CDK5RAP2: variants seen among roughly 807,000 people sequenced by gnomAD.
The protein encoded by CDK5RAP2 is CDK5 regulatory subunit associated protein 2.
A neutral mutation model predicts 232.9 loss-of-function variants in CDK5RAP2; 147 were observed. The ratio of observed to expected loss-of-function variants is 0.63; its 90% CI spans 0.55 to 0.72. CDK5RAP2 has a LOEUF of 0.72. Ranked by LOEUF, CDK5RAP2 falls within the 30% of genes least tolerant of loss-of-function variation. CDK5RAP2 has a pLI of 0.00. For synonymous variants in CDK5RAP2, 833 were observed against 833.7 expected (o/e 1.00, Z 0.01); for missense variants, 2,195 against 2,231.5 (o/e 0.98, Z 0.33).
chr9:120,485,427 T>C (rs1564284589), intron 14 of CDK5RAP2, among the ~76,000 whole-genome samples: 5 of 151,954 alleles, frequency 3.3e-5, no homozygotes, highest in Non-Finnish European at 7.4e-5. Context: ...CCTAAGTAGC[T>C]GGGATTACAG....
chr9:120,527,860 C>CT lies in CDK5RAP2; in HGVS notation c.944dup (p.Arg316GlufsTer3), dbSNP rs775117172. The CT allele has an allele frequency of 6.2e-7, 1 of 1,613,822 alleles. No individual in the cohort carries two copies. The highest frequency in any genetic ancestry group is 8.5e-7 in the Non-Finnish European group (1 of 1,179,882). The stretch of plus-strand genomic sequence containing the variant: ...TTAAACCCTGAATGGCTTTATCCCT[C>CT]TTTAGACTATTTTTCTTCTCTGTAG... On this transcript the variant is annotated frameshift_variant, in exon 10 of 38. Coordinates refer to ENST00000349780, the MANE Select transcript of CDK5RAP2 (RefSeq NM_018249.6). LOFTEE classifies it high-confidence loss of function.
At chr9:120,470,769 G>GCAGC (rs1294694334) in intron 16 of CDK5RAP2, among the ~76,000 whole-genome samples, 1 of 149,356 alleles carries the variant, frequency 6.7e-6, no homozygotes, top group African/African-American at 2.5e-5. Context: ...TGTTTCCTTT[G>GCAGC]CAGCAAAGGT....
intron 5 of CDK5RAP2, among the ~76,000 whole-genome samples, chr9:120,543,795 T>C (rs1165425213): frequency 6.6e-6 from 1 of 152,026 alleles, no homozygotes; most frequent in African/African-American, 2.4e-5. Flanking sequence ...GAGGCGGAGG[T>C]TGCAGTGAGC....
chr9:120,544,822 T>C (rs1332592821), intron 5 of CDK5RAP2, among the ~76,000 whole-genome samples: 1 of 152,222 alleles, frequency 6.6e-6, no homozygotes, highest in East Asian at 1.9e-4. Context: ...CATGTTATTT[T>C]TCACAGGTGT....
intron 7 of CDK5RAP2, chr9:120,532,614 C>A (rs980215894): frequency 2.7e-4 from 41 of 152,530 alleles, no homozygotes; most frequent in African/African-American, 9.7e-4. Flanking sequence ...GGAGGGAACA[C>A]GCTGATCCTA....
intron 25 of CDK5RAP2, among the ~76,000 whole-genome samples, chr9:120,430,583 A>G (rs973007583): frequency 7.9e-5 from 12 of 152,332 alleles, no homozygotes; most frequent in African/African-American, 2.9e-4. Context: ...CACCAGTTAC[A>G]ATGGCAATCA....
intron 5 of CDK5RAP2, among the ~76,000 whole-genome samples, chr9:120,540,630 C>G (rs1440035847): frequency 2.0e-5 from 3 of 152,220 alleles, no homozygotes; most frequent in Non-Finnish European, 4.4e-5. Context: ...GGCTCTGAAG[C>G]TGGACAGATC....
intron 7 of CDK5RAP2, chr9:120,532,704 T>C (rs1403757645): frequency 6.6e-6 from 1 of 152,424 alleles, no homozygotes; most frequent in Non-Finnish European, 1.5e-5. Context: ...GCTGCACTGA[T>C]CTCTGGGAGT....
chr9:120,470,322 A>G, intron 16 of CDK5RAP2, 102 bp from the exon 17 acceptor site: 1 of 633,438 alleles, frequency 1.6e-6, no homozygotes, highest in Non-Finnish European at 2.8e-6. Context: ...ATCCAAAGCA[A>G]TGTGAATGGG....
chr9:120,521,584 C>T (rs1240496006), intron 11 of CDK5RAP2, among the ~76,000 whole-genome samples: 3 of 151,934 alleles, frequency 2.0e-5, no homozygotes, highest in East Asian at 1.9e-4. Context: ...CTTTGCCTTC[C>T]GCCATGATTG....
intron 14 of CDK5RAP2, among the ~76,000 whole-genome samples, chr9:120,484,360 C>T (rs1383709249): frequency 1.3e-5 from 2 of 152,146 alleles, no homozygotes; most frequent in African/African-American, 4.8e-5. Context: ...TAAAGTGACA[C>T]CAGAAATTTA....
chr9:120,563,700 T>C (rs900406072), intron 3 of CDK5RAP2, among the ~76,000 whole-genome samples: 1 of 151,758 alleles, frequency 6.6e-6, no homozygotes, highest in Non-Finnish European at 1.5e-5. Context: ...CAAATCCATG[T>C]CGTATCTACA....
intron 25 of CDK5RAP2, among the ~76,000 whole-genome samples, chr9:120,427,214 T>G (rs895062430): frequency 7.2e-5 from 11 of 152,228 alleles, no homozygotes; most frequent in Non-Finnish European, 1.3e-4. Flanking sequence ...TGGGCCACTC[T>G]GTGTCTTGGA....
At chr9:120,402,255 G>A (rs1411279078) in intron 34 of CDK5RAP2, among the ~76,000 whole-genome samples, 3 of 151,930 alleles carry the variant, frequency 2.0e-5, no homozygotes, top group African/African-American at 7.3e-5. Flanking sequence ...CCATGATCGC[G>A]CCACTGCACT....
intron 23 of CDK5RAP2, among the ~76,000 whole-genome samples, chr9:120,440,974 C>G (rs141656169): frequency 6.6e-6 from 1 of 152,312 alleles, no homozygotes; most frequent in African/African-American, 2.4e-5. Context: ...CTAGTAATAG[C>G]TAAACCCTTA....
intron 15 of CDK5RAP2, among the ~76,000 whole-genome samples, chr9:120,477,102 G>C (rs1156791986): frequency 1.3e-5 from 2 of 152,198 alleles, no homozygotes; most frequent in Non-Finnish European, 2.9e-5. Flanking sequence ...TAAAACCTGA[G>C]TAATCATGAT....
chr9:120,516,260 G>A (rs1001387630), intron 12 of CDK5RAP2, among the ~76,000 whole-genome samples: 1 of 150,588 alleles, frequency 6.6e-6, no homozygotes, highest in Non-Finnish European at 1.5e-5. Context: ...GCAAACTATT[G>A]CAAGGACAAA....
Position 120,550,805 on chromosome 9 carries a change from T to C in CDK5RAP2, c.293A>G (p.His98Arg), listed in dbSNP as rs549903271. 4.4e-6 allele frequency: 7 copies of C among 1,596,696 alleles called. No homozygotes were observed. Among genetic ancestry groups the C allele is most frequent in the African/African-American group, 4.0e-5 (3 of 74,584 alleles). The change falls in exon 4 of 38, where the codon CAT becomes CGT. Residue 98 changes from histidine (H) to arginine (R), a missense_variant. His to Arg is a conservative substitution (Grantham distance 29). Transcript: ENST00000349780. ...TGGGCCACTCACAGTTTTGTAGATA[T>C]GTTCAGTGGGGCCATGAAATTCCTG... is the stretch of plus-strand genomic sequence containing the variant. ...MQQEFHGPTE[H>R]IYKTNIELKV... is the part of the protein sequence containing the mutation.
At chr9:120,399,339 A>G (rs2032789709) in intron 35 of CDK5RAP2, among the ~76,000 whole-genome samples, 1 of 152,244 alleles carries the variant, frequency 6.6e-6, no homozygotes, top group South Asian at 2.1e-4. Context: ...TTAAAATCAT[A>G]TGAGGCAGGC....
Sources: allele counts gnomAD v4.1 joint callset (sites outside exome capture counted in the v4.1 genomes callset), GRCh38; gene constraint gnomAD v4.1.1; transcripts MANE v1.5; gene names NCBI Gene and HGNC (gene_info 2026-07-23, HGNC 2026-07-21).